Variants in USP32 observed in about 807,000 individuals in gnomAD.
USP32 encodes the protein ubiquitin carboxyl-terminal hydrolase 32.
Under a neutral mutation model 204.8 loss-of-function variants are expected in USP32, and 59 were observed. That is an observed-to-expected ratio of 0.29 (90% CI 0.23 to 0.36). The LOEUF is 0.36. Ranked by LOEUF, USP32 falls within the 10% of genes least tolerant of loss-of-function variation. The pLI is 1.00. For synonymous variants in USP32, 517 were observed against 678.4 expected, an observed-to-expected ratio of 0.76 and a Z score of 3.70; for missense variants, 1,160 against 1,946.4, an observed-to-expected ratio of 0.60 and a Z score of 7.60.
At position 60,223,514 on chromosome 17, in the gene USP32, T is replaced by C. The variant is rs925540658; in HGVS notation, c.1505A>G (p.Asn502Ser). 4.6e-5 allele frequency: 74 copies of C among 1,613,810 alleles called. No homozygotes were observed. Among genetic ancestry groups the C allele is most frequent in the Non-Finnish European group, 6.2e-5 (73 of 1,179,982 alleles). The change falls in exon 14 of 34, where the codon AAC becomes AGC. Residue 502 changes from asparagine to serine, a missense_variant. Physicochemically the swap from Asn to Ser is conservative, Grantham distance 46. Around this residue, in one of 8 missense-constraint regions of USP32, gnomAD observed 536 missense variants for 680.9 expected, o/e 0.79. Coordinates refer to ENST00000300896, the MANE Select transcript of USP32 (RefSeq NM_032582.4). ...CCCATTGGCTCCCAGCAAACACTGG[T>C]TGTTATTGTCAGAAGTGTTATGTTG... is the stretch of plus-strand genomic sequence containing the variant. ...ARQHNTSDNNNQCLLGANGNI... is the reference protein window; with the variant it reads ...ARQHNTSDNNSQCLLGANGNI...
chr17:60,360,994 T>C lies in USP32; in HGVS notation c.59-15386A>G, dbSNP rs2089195333. Among the ~76,000 whole-genome samples, 4 of 152,178 alleles carry C rather than the reference T, an allele frequency of 2.6e-5. No individual in the cohort carries two copies. In the South Asian group the frequency reaches 8.3e-4, roughly 32 times the overall value. ...AAATACAAAAATTAGCCAGGTGTGG[T>C]GGCACATGCCTGTAATTCCAGCTAC... On this transcript the variant is annotated intron_variant, in intron 1 of 33. Coordinates refer to ENST00000300896, the MANE Select transcript of USP32 (RefSeq NM_032582.4).
At chr17:60,371,697 G>C (rs983786702) in intron 1 of USP32, among the ~76,000 whole-genome samples, 1 of 152,076 alleles carries the variant, frequency 6.6e-6, no homozygotes, top group Non-Finnish European at 1.5e-5. Context: ...CAACAATCAG[G>C]ATGGCTAAAC....
chr17:60,348,601 C>T (rs1044911557), intron 1 of USP32, among the ~76,000 whole-genome samples: 1 of 151,802 alleles, frequency 6.6e-6, no homozygotes, highest in African/African-American at 2.4e-5. Context: ...ATAGTGAGAC[C>T]CTGTCTCTAC....
chr17:60,226,578 A>AT (rs1005333349), intron 12 of USP32, among the ~76,000 whole-genome samples: 1 of 152,058 alleles, frequency 6.6e-6, no homozygotes, highest in Non-Finnish European at 1.5e-5. Context: ...AATGTATATA[A>AT]TTTTTTTATT....
chr17:60,354,067 A>T (rs2089014648), intron 1 of USP32, among the ~76,000 whole-genome samples: 2 of 152,242 alleles, frequency 1.3e-5, no homozygotes, highest in Non-Finnish European at 2.9e-5. Flanking sequence ...GCATGAAATT[A>T]AATCCATTTT....
chr17:60,256,836 A>C lies in USP32; in HGVS notation c.991-1578T>G, dbSNP rs528191132. On this transcript the variant is annotated intron_variant, in intron 9 of 33. Coordinates refer to ENST00000300896, the MANE Select transcript of USP32 (RefSeq NM_032582.4). ...TTATAGGTGAATTCTGGATTGGGCC[A>C]GTCAACATTAATCAACTTATTATTC... 3.4e-5 allele frequency: 30 copies of C among 886,016 alleles called. No individual in the cohort carries two copies. In the African/African-American group the frequency reaches 4.1e-4, roughly 12 times the overall value. The allele number at this position is 886,016 out of a possible 1,614,324, so 54.9% of individuals were successfully genotyped here.
chr17:60,326,403 T>C (rs188720776), intron 2 of USP32, among the ~76,000 whole-genome samples: 1 of 151,798 alleles, frequency 6.6e-6, no homozygotes, highest in Non-Finnish European at 1.5e-5. Context: ...CTCCGCCTCC[T>C]AGGTTCAAGC....
chr17:60,353,903 A>G (rs1567870115), intron 1 of USP32, among the ~76,000 whole-genome samples: 1 of 152,206 alleles, frequency 6.6e-6, no homozygotes, highest in Non-Finnish European at 1.5e-5. Flanking sequence ...GTCATGCTCT[A>G]AACTTTTAGA....
At chr17:60,185,708 A>G in intron 29 of USP32, 57 bp from the exon 30 acceptor site, 3 of 1,560,872 alleles carry the variant, frequency 1.9e-6, no homozygotes, top group Non-Finnish European at 2.6e-6. Context: ...TAAAGTGGTG[A>G]TCTAGGTATG....
chr17:60,383,899 A>G (rs1354961171), intron 1 of USP32, among the ~76,000 whole-genome samples: 4 of 152,262 alleles, frequency 2.6e-5, no homozygotes, highest in Admixed American at 6.5e-5. Flanking sequence ...AAAGAAAGGA[A>G]TAACAAGATC....
At chr17:60,345,981 CA>C (rs915914580) in intron 1 of USP32, among the ~76,000 whole-genome samples, 45 of 149,688 alleles carry the variant, frequency 3.0e-4, no homozygotes, top group African/African-American at 9.8e-4. Context: ...AACTCTGTCT[CA>C]AAAAAATAAA....
At position 60,413,395 on chromosome 17, in the gene USP32, G is replaced by A. The variant is rs369742898; in HGVS notation, c.106+8851C>T. 1.1e-4 allele frequency among the ~76,000 whole-genome samples: 16 copies of A among 152,266 alleles called. No homozygotes were observed. In the East Asian group the frequency reaches 2.9e-3, roughly 28 times the overall value. On this transcript the variant is annotated intron_variant, in intron 1 of 3. Coordinates refer to the USP32 transcript ENST00000588898. ...GACCTGACCTCCCAGATGGCTTACAGGTAAGGGTTTTTAAAGGCAGGGAGA... is the reference window on the plus strand; with the variant it reads ...GACCTGACCTCCCAGATGGCTTACAAGTAAGGGTTTTTAAAGGCAGGGAGA...
chr17:60,181,084 G>A (rs1170777993), intron 32 of USP32, among the ~76,000 whole-genome samples: 3 of 151,626 alleles, frequency 2.0e-5, no homozygotes, highest in Non-Finnish European at 4.4e-5. Flanking sequence ...GGGCCAGGCT[G>A]GTCTCAAACT....
At chr17:60,241,845 C>T (rs1194373911) in intron 11 of USP32, among the ~76,000 whole-genome samples, 1 of 152,154 alleles carries the variant, frequency 6.6e-6, no homozygotes, top group Non-Finnish European at 1.5e-5. Flanking sequence ...TTAATGCTCT[C>T]TCTTGAAACT....
chr17:60,300,457 G>A (rs1340608922), intron 3 of USP32, among the ~76,000 whole-genome samples: 1 of 152,042 alleles, frequency 6.6e-6, no homozygotes, highest in Non-Finnish European at 1.5e-5. Flanking sequence ...GCATTTCCCT[G>A]ATCAGCAGGA....
At chr17:60,184,414 A>T (rs1459342715) in intron 30 of USP32, among the ~76,000 whole-genome samples, 1 of 152,050 alleles carries the variant, frequency 6.6e-6, no homozygotes, top group Non-Finnish European at 1.5e-5. Flanking sequence ...CTAACAACCA[A>T]TGTTATTAAT....
At chr17:60,234,895 C>T (rs1256570011) in intron 12 of USP32, among the ~76,000 whole-genome samples, 2 of 152,004 alleles carry the variant, frequency 1.3e-5, no homozygotes, top group Non-Finnish European at 2.9e-5. Context: ...TTAAAGTTTG[C>T]ATTTGACAGA....
At chr17:60,249,674 C>A in intron 11 of USP32, 1 of 694,260 alleles carries the variant, frequency 1.4e-6, no homozygotes, top group South Asian at 1.5e-5. Context: ...CACACACTTC[C>A]ATTGTTCTCA....
rs191030244 is a variant in USP32 at position 60,421,538 on chromosome 17, G to T, written c.106+708C>A. On this transcript the variant is annotated intron_variant, in intron 1 of 3. Coordinates refer to the USP32 transcript ENST00000588898. ...GCCCAGAGGACACGAAGGAAGGTCCGGGAGAAGGAATTCCTAGTTTCAGGG... is the reference window on the plus strand; with the variant it reads ...GCCCAGAGGACACGAAGGAAGGTCCTGGAGAAGGAATTCCTAGTTTCAGGG... The T allele has an allele frequency of 1.5e-5, 15 of 985,478 alleles. No homozygotes were observed. In the African/African-American group the frequency reaches 2.6e-4, roughly 17 times the overall value. 61.0% of individuals were successfully genotyped at this position (985,478 alleles called of 1,614,324 possible).
Sources: allele counts gnomAD v4.1 joint callset (sites outside exome capture counted in the v4.1 genomes callset), GRCh38; gene constraint gnomAD v4.1.1; regional missense constraint gnomAD v4.1.1; transcripts MANE v1.5; gene names NCBI Gene and HGNC (gene_info 2026-07-23, HGNC 2026-07-21).